RNASE11: variants seen among roughly 807,000 people sequenced by gnomAD.
RNASE11 encodes the protein ribonuclease A family member 11 (inactive).
For synonymous variants in RNASE11, 105 were observed against 86.1 expected, an observed-to-expected ratio of 1.22 and a Z score of -1.21; for missense variants, 252 against 237.8, an observed-to-expected ratio of 1.06 and a Z score of -0.39.
At chr14:20,586,984 TA>T (rs1566562825) in intron 1 of RNASE11, among the ~76,000 whole-genome samples, 1 of 152,054 alleles carries the variant, frequency 6.6e-6, no homozygotes, top group Non-Finnish European at 1.5e-5. Flanking sequence ...AATCCATCTC[TA>T]CAACAACAAC....
At chr14:20,584,997 C>G in intron 1 of RNASE11, 1 of 839,376 alleles carries the variant, frequency 1.2e-6, no homozygotes, top group Non-Finnish European at 1.4e-6. Context: ...TTTTGCCACC[C>G]ATTCTCATTC....
intron 1 of RNASE11, among the ~76,000 whole-genome samples, chr14:20,585,936 C>G (rs1305908937): frequency 6.6e-6 from 1 of 152,166 alleles, no homozygotes; most frequent in Non-Finnish European, 1.5e-5. Context: ...TGTTCCACCT[C>G]TAAAGCCACC....
upstream of RNASE11, chr14:20,587,924 T>C (rs1316917082): frequency 2.3e-6 from 2 of 868,056 alleles, no homozygotes; most frequent in Non-Finnish European, 2.8e-6. Context: ...GTCTCTCAAC[T>C]GAAAAGATCA....
intron 1 of RNASE11, chr14:20,585,159 A>T: frequency 1.2e-6 from 1 of 856,156 alleles, no homozygotes; most frequent in Middle Eastern, 6.1e-4. Context: ...ACAGAGGGGT[A>T]GATAGGGTTG....
exon 1 of RNASE11, chr14:20,587,571 G>A (rs768413507): frequency 1.0e-6 from 1 of 985,272 alleles, no homozygotes; most frequent in Non-Finnish European, 1.2e-6. Context: ...ACCTGTTCCT[G>A]TTCAGTTTCT....
chr14:20,588,731 C>T (rs992958218), upstream of RNASE11, among the ~76,000 whole-genome samples: 4 of 152,122 alleles, frequency 2.6e-5, no homozygotes, highest in Non-Finnish European at 5.9e-5. Flanking sequence ...TAAGAGAGTG[C>T]CACAAAACTC....
chr14:20,583,738 T>C (rs1884360975), exon 2 of RNASE11: 1 of 983,748 alleles, frequency 1.0e-6, no homozygotes, highest in Non-Finnish European at 1.4e-6. Context: ...TTTTGGATTT[T>C]TCACTCCTCC....
At chr14:20,584,029 T>C (rs775210969) in exon 2 of RNASE11, 2 of 1,614,174 alleles carry the variant, frequency 1.2e-6, no homozygotes, top group Non-Finnish European at 1.7e-6. Flanking sequence ...TTCTAGGCTC[T>C]CACAGCAGCT....
At chr14:20,587,222 C>T in intron 1 of RNASE11, among the ~76,000 whole-genome samples, 1 of 152,122 alleles carries the variant, frequency 6.6e-6, no homozygotes, top group East Asian at 1.9e-4. Flanking sequence ...TACACACACA[C>T]CCAAACTACG....
upstream of RNASE11, among the ~76,000 whole-genome samples, chr14:20,589,282 T>C (rs1307514700): frequency 6.8e-6 from 1 of 146,878 alleles, no homozygotes; most frequent in Admixed American, 6.9e-5. Context: ...TGAGACGGAG[T>C]CTCACTCTGC....
At chr14:20,587,794 A>T (rs1280931432), upstream of RNASE11, 2 of 985,402 alleles carry the variant, frequency 2.0e-6, no homozygotes, top group Non-Finnish European at 2.4e-6. Flanking sequence ...CCCCCTCCTA[A>T]ATCTGATCAA....
chr14:20,586,756 C>G (rs1357171728), intron 1 of RNASE11, among the ~76,000 whole-genome samples: 1 of 152,182 alleles, frequency 6.6e-6, no homozygotes, highest in Non-Finnish European at 1.5e-5. Context: ...GGAAGAAGAG[C>G]AGGGCAGAAA....
At chr14:20,589,997 C>T (rs189071834), upstream of RNASE11, among the ~76,000 whole-genome samples, 2 of 152,292 alleles carry the variant, frequency 1.3e-5, no homozygotes, top group African/African-American at 4.8e-5. Flanking sequence ...GGCTCATTCC[C>T]TTTATCTTAA....
chr14:20,586,907 T>C (rs1884445894), intron 1 of RNASE11, among the ~76,000 whole-genome samples: 1 of 152,154 alleles, frequency 6.6e-6, no homozygotes, highest in Non-Finnish European at 1.5e-5. Context: ...CTCATTGCTT[T>C]GGGAGGCCAA....
At chr14:20,584,263 A>G (rs750768520) in exon 2 of RNASE11, 4 of 1,614,228 alleles carry the variant, frequency 2.5e-6, no homozygotes, top group Non-Finnish European at 3.4e-6. Context: ...TGTGGAAGAC[A>G]TATCATCCTT....
chr14:20,587,750 C>T, upstream of RNASE11: 2 of 985,496 alleles, frequency 2.0e-6, no homozygotes, highest in Non-Finnish European at 1.2e-6. Flanking sequence ...CACAAGGTTG[C>T]AAACTGTCCT....
rs752786357 is a variant in RNASE11 at position 20,584,137 on chromosome 14, G to T, written c.338C>A (p.Ser113Ter). The T allele has an allele frequency of 6.2e-7, 1 of 1,614,174 alleles. No individual in the cohort carries two copies. Among genetic ancestry groups the T allele is most frequent in the Non-Finnish European group, 8.5e-7 (1 of 1,180,032 alleles). The change falls in exon 2 of 2, where the codon TCG becomes TAG. Residue 113 changes from serine (S) to a stop codon, truncating the protein, a stop_gained. Coordinates refer to ENST00000553849, the Ensembl canonical transcript of RNASE11. LOFTEE classifies it low-confidence loss of function (END_TRUNC). ...GATGAAGTTATTGCTCCACTTGCAC[G>T]ATCCGTTTGCTTCTGAAACTTTTCT...
chr14:20,583,109 G>A (rs932577365), downstream of RNASE11: 5 of 152,192 alleles, frequency 3.3e-5, no homozygotes, highest in Admixed American at 6.5e-5. Flanking sequence ...AGACATCAAG[G>A]TTGAAGACCA....
upstream of RNASE11, among the ~76,000 whole-genome samples, chr14:20,588,994 C>T (rs563221274): frequency 1.7e-3 from 265 of 152,152 alleles, 3 homozygotes; most frequent in African/African-American, 5.9e-3. Flanking sequence ...ACCATGTTGG[C>T]CAGGCTGATC....
Sources: allele counts gnomAD v4.1 joint callset (sites outside exome capture counted in the v4.1 genomes callset), GRCh38; gene constraint gnomAD v4.1.1; transcripts MANE v1.5; gene names NCBI Gene and HGNC (gene_info 2026-07-23, HGNC 2026-07-21).